The following PCDHGB7 variants were observed in gnomAD, a reference collection of about 807,000 sequenced individuals.
PCDHGB7 encodes the protein protocadherin gamma-B7.
PCDHGB7 carries 37 observed loss-of-function variants against 61.4 expected under a neutral mutation model. That is an observed-to-expected ratio of 0.60 (90% confidence interval 0.46 to 0.79). The LOEUF is 0.79. Among genes scored for constraint, PCDHGB7 ranks in the 30% least tolerant of loss-of-function variants. The pLI is 0.00. For synonymous variants in PCDHGB7, 464 were observed against 503.5 expected (o/e 0.92, Z 1.05); for missense variants, 1,166 against 1,202.5 (o/e 0.97, Z 0.45).
chr5:141,495,839 A>G (rs2099764148), intron 2 of PCDHGB7, among the ~76,000 whole-genome samples: 1 of 150,756 alleles, frequency 6.6e-6, no homozygotes, highest in South Asian at 2.1e-4. Flanking sequence ...CCCAGCCTCT[A>G]TGTTTCTCTG....
chr5:141,491,500 G>A lies in PCDHGB7; in HGVS notation c.2416-3307G>A. ...CAGCCCCAACCTGCAGGTGAGCTCG[G>A]ACGGCACGCTCAAGTACATGGAGGT... On this transcript the variant is annotated intron_variant, in intron 1 of 3. Transcript: ENST00000398594. The surrounding 1 kb of genome is among the most constrained non-coding windows in gnomAD (Gnocchi z 6.9). 3 of 1,614,102 alleles carry A rather than the reference G, an allele frequency of 1.9e-6. No homozygotes were observed. The highest frequency in any genetic ancestry group is 2.7e-5 in the African/African-American group (2 of 75,066).
intron 1 of PCDHGB7, among the ~76,000 whole-genome samples, chr5:141,457,628 C>T (rs1210673176): frequency 6.6e-6 from 1 of 152,244 alleles, no homozygotes; most frequent in Non-Finnish European, 1.5e-5. Context: ...TAATCTTATA[C>T]TTGGCCTGAT....
chr5:141,424,246 A>G (rs971050268), intron 1 of PCDHGB7: 2 of 154,772 alleles, frequency 1.3e-5, no homozygotes, highest in African/African-American at 4.8e-5. Context: ...GTGGCTGGTA[A>G]TATGCTTAGA....
In PCDHGB7 at chr5:141,476,948, G is replaced by T; in HGVS notation, c.2416-17859G>T. 6.2e-7 allele frequency: 1 copy of T among 1,614,180 alleles called. No individual in the cohort carries two copies. On this transcript the variant is annotated intron_variant, in intron 1 of 3. Transcript: ENST00000398594. The surrounding 1 kb of genome is among the most constrained non-coding windows in gnomAD (Gnocchi z 7.6). ...GGATCTGGATGAAGGCCCCAACGGTGAAATTATTTACTCCTTCGGCAGCCA... is the reference window on the plus strand; with the variant it reads ...GGATCTGGATGAAGGCCCCAACGGTTAAATTATTTACTCCTTCGGCAGCCA...
At position 141,477,131 on chromosome 5, in the gene PCDHGB7, TTGG is replaced by T; in HGVS notation, c.2416-17672_2416-17670del. 1 of 1,614,130 alleles carries T rather than the reference TTGG, an allele frequency of 6.2e-7. No individual in the cohort carries two copies. The highest frequency in any genetic ancestry group is 8.5e-7 in the Non-Finnish European group (1 of 1,180,014). On this transcript the variant is annotated intron_variant, in intron 1 of 3. Transcript: ENST00000398594. The surrounding 1 kb of genome is among the most constrained non-coding windows in gnomAD (Gnocchi z 4.9). The stretch of plus-strand genomic sequence containing the variant: ...TCCCGAAGGAGCACATTGCAAAGTG[TTGG>T]TGGAGGTTGTGGATGTGAATGACAA...
chr5:141,458,702 T>G (rs1333580253), intron 1 of PCDHGB7, among the ~76,000 whole-genome samples: 1 of 152,102 alleles, frequency 6.6e-6, no homozygotes, highest in East Asian at 1.9e-4. Context: ...CCCGAGTAGC[T>G]GGGATTACAG....
At chr5:141,427,499 T>C in intron 1 of PCDHGB7, 2 of 571,516 alleles carry the variant, frequency 3.5e-6, no homozygotes, top group Non-Finnish European at 3.3e-6. Flanking sequence ...TTGTAACAGA[T>C]GGGACCCTGG....
In PCDHGB7 at chr5:141,486,397, G is replaced by T; in HGVS notation, c.2416-8410G>T. 6.2e-7 allele frequency: 1 copy of T among 1,614,164 alleles called. No individual in the cohort carries two copies. Among genetic ancestry groups the T allele is most frequent in the East Asian group, 2.2e-5 (1 of 44,872 alleles). On this transcript the variant is annotated intron_variant, in intron 1 of 3. Coordinates refer to ENST00000398594, the MANE Select transcript of PCDHGB7 (RefSeq NM_018927.4). The surrounding 1 kb of genome is among the most constrained non-coding windows in gnomAD (Gnocchi z 5.0). ...CCTTCAGGAACCAGTTCTCCCTGGTGACTGCTGGACCCTTGGATCGAGAGG... is the reference window on the plus strand; with the variant it reads ...CCTTCAGGAACCAGTTCTCCCTGGTTACTGCTGGACCCTTGGATCGAGAGG...
At chr5:141,502,400 C>T (rs964923206) in intron 2 of PCDHGB7, among the ~76,000 whole-genome samples, 2 of 151,748 alleles carry the variant, frequency 1.3e-5, no homozygotes, top group African/African-American at 4.8e-5. Flanking sequence ...AAAATGTCCC[C>T]GAACCTGGAT....
intron 1 of PCDHGB7, chr5:141,422,942 G>C (rs199976232): frequency 6.2e-7 from 1 of 1,614,214 alleles, no homozygotes; most frequent in East Asian, 2.2e-5. Flanking sequence ...CCCACAGACG[G>C]CTCCACTGGC....
At chr5:141,468,802 C>G (rs928501013) in intron 1 of PCDHGB7, among the ~76,000 whole-genome samples, 1 of 151,620 alleles carries the variant, frequency 6.6e-6, no homozygotes, top group African/African-American at 2.4e-5. Context: ...GGAGGCGGAA[C>G]TTGCAGTGAG....
Position 141,490,754 on chromosome 5 carries a change from CCTT to C in PCDHGB7, c.2416-4052_2416-4050del, listed in dbSNP as rs775582875. ...CAGGTTCAGGGAGCCCCAGCCTCCT[CCTT>C]TGTGTATGTCAACCCAGAGGATGGA... On this transcript the variant is annotated intron_variant, in intron 1 of 3. Transcript: ENST00000398594. The surrounding 1 kb of genome is among the most constrained non-coding windows in gnomAD (Gnocchi z 5.4). 3.1e-6 allele frequency: 5 copies of C among 1,614,200 alleles called. No individual in the cohort carries two copies. The highest frequency in any genetic ancestry group is 3.4e-6 in the Non-Finnish European group (4 of 1,180,038).
chr5:141,478,382 C>A (rs1287807889), intron 1 of PCDHGB7: 2 of 1,613,552 alleles, frequency 1.2e-6, no homozygotes, highest in South Asian at 2.2e-5. Flanking sequence ...GTCGCCGCAC[C>A]TTTACCATCA....
At chr5:141,456,897 A>G (rs1351271896) in intron 1 of PCDHGB7, among the ~76,000 whole-genome samples, 2 of 152,178 alleles carry the variant, frequency 1.3e-5, no homozygotes, top group Admixed American at 1.3e-4. Context: ...CGGGAGGCAG[A>G]GGTTGCAGTG....
chr5:141,438,254 A>G (rs916664408), intron 1 of PCDHGB7, among the ~76,000 whole-genome samples: 1 of 152,170 alleles, frequency 6.6e-6, no homozygotes, highest in Non-Finnish European at 1.5e-5. Context: ...CTGTCATTGA[A>G]GAGACCATAG....
At position 141,490,712 on chromosome 5, in the gene PCDHGB7, A is replaced by T; in HGVS notation, c.2416-4095A>T. The stretch of plus-strand genomic sequence containing the variant: ...ACTGGGGATAATGCCCGCCTCACCT[A>T]CTCCATTGTAGGAAATCAGGTTCAG... On this transcript the variant is annotated intron_variant, in intron 1 of 3. Transcript: ENST00000398594. The surrounding 1 kb of genome is among the most constrained non-coding windows in gnomAD (Gnocchi z 5.4). The T allele has an allele frequency of 6.2e-7, 1 of 1,613,686 alleles. No homozygotes were observed. The highest frequency in any genetic ancestry group is 8.5e-7 in the Non-Finnish European group (1 of 1,179,894).
chr5:141,473,312 A>G (rs1432409474), intron 1 of PCDHGB7, among the ~76,000 whole-genome samples: 1 of 152,228 alleles, frequency 6.6e-6, no homozygotes, highest in Non-Finnish European at 1.5e-5. Context: ...TGCTATATTA[A>G]TAAGCATTAA....
chr5:141,423,868 T>G (rs2154550529), intron 1 of PCDHGB7: 1 of 1,283,788 alleles, frequency 7.8e-7, no homozygotes, highest in East Asian at 3.1e-5. Flanking sequence ...GTGAAAGTCA[T>G]TTTTCAATCT....
Position 141,486,791 on chromosome 5 carries a change from C to G in PCDHGB7, c.2416-8016C>G. On this transcript the variant is annotated intron_variant, in intron 1 of 3. Coordinates refer to ENST00000398594, the MANE Select transcript of PCDHGB7 (RefSeq NM_018927.4). The surrounding 1 kb of genome is among the most constrained non-coding windows in gnomAD (Gnocchi z 5.0). ...GCAGTTTGAGGTGCAGGCCCGGGAT[C>G]GGGGCAACCCACCCCTTAGCAGCAC... The G allele has an allele frequency of 1.9e-6, 3 of 1,614,224 alleles. No individual in the cohort carries two copies. The highest frequency in any genetic ancestry group is 2.5e-6 in the Non-Finnish European group (3 of 1,180,046).
Sources: allele counts gnomAD v4.1 joint callset (sites outside exome capture counted in the v4.1 genomes callset), GRCh38; gene constraint gnomAD v4.1.1; non-coding constraint Gnocchi (gnomAD v3.1); transcripts MANE v1.5; gene names NCBI Gene and HGNC (gene_info 2026-07-23, HGNC 2026-07-21).